Variants in SORBS2 observed in about 807,000 individuals in gnomAD.
The protein encoded by SORBS2 is sorbin and SH3 domain-containing protein 2.
In SORBS2, 46 loss-of-function variants were observed where a neutral mutation model predicts 97.7. The observed-to-expected ratio is 0.47, with a 90% CI of 0.37 to 0.60. The LOEUF (loss-of-function observed/expected upper bound fraction) is 0.60, where lower values mean the gene tolerates loss of function less well. Ranked by LOEUF, SORBS2 falls within the 20% of genes least tolerant of loss-of-function variation. The pLI, the probability that SORBS2 is intolerant of heterozygous loss-of-function variation, is 0.00. For missense variants in SORBS2, 1,316 were observed against 1,282.3 expected (o/e 1.03, Z -0.40); for synonymous variants, 476 against 473.4 (o/e 1.01, Z -0.07).
intron 1 of SORBS2, among the ~76,000 whole-genome samples, chr4:185,855,314 A>G (rs953574190): frequency 2.6e-5 from 4 of 152,242 alleles, no homozygotes; most frequent in Admixed American, 6.5e-5. Flanking sequence ...TGAGACGTAG[A>G]TAAAGCTTCT....
intron 1 of SORBS2, among the ~76,000 whole-genome samples, chr4:185,916,524 G>C (rs1418505199): frequency 6.6e-6 from 1 of 152,176 alleles, no homozygotes; most frequent in Non-Finnish European, 1.5e-5. Context: ...TGACTCAATA[G>C]CTGGATTCTT....
intron 6 of SORBS2, 62 bp from the exon 19 acceptor site, chr4:185,624,556 G>T: frequency 6.7e-7 from 1 of 1,503,170 alleles, no homozygotes; most frequent in Non-Finnish European, 8.8e-7. Flanking sequence ...GGTTCACAAA[G>T]AGAGGAGAGC....
At chr4:185,922,435 G>C (rs917922121) in intron 1 of SORBS2, among the ~76,000 whole-genome samples, 2 of 152,144 alleles carry the variant, frequency 1.3e-5, no homozygotes, top group African/African-American at 4.8e-5. Context: ...TTCATGGAAG[G>C]TTCCTTCCAG....
chr4:185,755,852 T>C (rs2098827760), intron 2 of SORBS2, among the ~76,000 whole-genome samples: 1 of 152,210 alleles, frequency 6.6e-6, no homozygotes, highest in Admixed American at 6.5e-5. Context: ...CTAATGTTTG[T>C]TCATCTCACT....
intron 2 of SORBS2, among the ~76,000 whole-genome samples, chr4:185,650,058 T>C (rs1383593001): frequency 1.3e-5 from 2 of 152,174 alleles, no homozygotes; most frequent in Non-Finnish European, 2.9e-5. Context: ...TCTAATACTT[T>C]AAAAACCCTG....
intron 2 of SORBS2, among the ~76,000 whole-genome samples, chr4:185,749,092 T>A (rs2098783090): frequency 6.6e-6 from 1 of 152,202 alleles, no homozygotes; most frequent in Non-Finnish European, 1.5e-5. Context: ...TTTAGGGAAC[T>A]CCACAGCCAC....
chr4:185,800,268 A>C (rs2099123882), intron 1 of SORBS2, among the ~76,000 whole-genome samples: 1 of 152,178 alleles, frequency 6.6e-6, no homozygotes, highest in South Asian at 2.1e-4. Context: ...CCCTCAATGA[A>C]AAAGACTGAA....
chr4:185,680,432 A>C (rs1453135105), intron 2 of SORBS2, among the ~76,000 whole-genome samples: 3 of 152,202 alleles, frequency 2.0e-5, no homozygotes, highest in African/African-American at 7.2e-5. Flanking sequence ...GCTTTAGGGC[A>C]CTCAGGAGAG....
intron 1 of SORBS2, among the ~76,000 whole-genome samples, chr4:185,936,184 A>G (rs1411670058): frequency 1.3e-5 from 2 of 152,222 alleles, no homozygotes; most frequent in African/African-American, 4.8e-5. Flanking sequence ...ATGAGGAGAC[A>G]CGTGCTATTC....
At chr4:185,874,255 T>C (rs746881531) in intron 1 of SORBS2, among the ~76,000 whole-genome samples, 6 of 152,254 alleles carry the variant, frequency 3.9e-5, no homozygotes, top group Non-Finnish European at 8.8e-5. Context: ...GGCTACCTTA[T>C]TTCAAGTATA....
chr4:185,782,617 C>T (rs868241971), intron 1 of SORBS2, among the ~76,000 whole-genome samples: 1 of 152,228 alleles, frequency 6.6e-6, no homozygotes, highest in Non-Finnish European at 1.5e-5. Flanking sequence ...ATCAACCATG[C>T]CACCTGGTCA....
chr4:185,661,065 A>C (rs2097509417), upstream of SORBS2, among the ~76,000 whole-genome samples: 1 of 152,106 alleles, frequency 6.6e-6, no homozygotes, highest in Admixed American at 6.6e-5. Flanking sequence ...ACCTGAGGTC[A>C]GGAGTTCGAG....
intron 1 of SORBS2, among the ~76,000 whole-genome samples, chr4:185,795,971 C>G (rs892271345): frequency 6.6e-6 from 1 of 152,222 alleles, no homozygotes; most frequent in Non-Finnish European, 1.5e-5. Flanking sequence ...TCTCTCCACG[C>G]CAGCACTTTT....
chr4:185,900,874 A>G (rs1217303749), intron 1 of SORBS2, among the ~76,000 whole-genome samples: 1 of 152,208 alleles, frequency 6.6e-6, no homozygotes, highest in Non-Finnish European at 1.5e-5. Context: ...CTTTTAATCT[A>G]CAGCCCAAGG....
rs200964103 is a variant in SORBS2, at chr4:185,927,267, CT to C, written c.-338+28928del. ...ATAAAAAAATTTTGAGCACTCAGTC[CT>C]TTTTTTTATTTTTTATTTTACTTTA... On this transcript the variant is annotated intron_variant, in intron 1 of 20. Coordinates refer to the SORBS2 transcript ENST00000284776. Among the ~76,000 whole-genome samples the C allele has an allele frequency of 7.4e-3, 1,113 of 150,670 alleles. 13 individuals carry two copies. The highest frequency in any genetic ancestry group is 0.026 in the African/African-American group (1,056 of 41,102).
At chr4:185,712,323 C>G (rs2098426971) in intron 2 of SORBS2, among the ~76,000 whole-genome samples, 1 of 152,178 alleles carries the variant, frequency 6.6e-6, no homozygotes, top group Non-Finnish European at 1.5e-5. Context: ...CCAGAGACAG[C>G]TGGATTCAAG....
intron 1 of SORBS2, among the ~76,000 whole-genome samples, chr4:185,856,650 C>A (rs2099220684): frequency 6.6e-6 from 1 of 152,066 alleles, no homozygotes; most frequent in Non-Finnish European, 1.5e-5. Context: ...GGAAATTTAA[C>A]CCCCAAATTC....
chr4:185,691,599 CT>C (rs1561941317), intron 2 of SORBS2, among the ~76,000 whole-genome samples: 1 of 152,032 alleles, frequency 6.6e-6, no homozygotes, highest in Non-Finnish European at 1.5e-5. Flanking sequence ...TCATCTTTCT[CT>C]TTTTTAAAGA....
intron 12 of SORBS2, among the ~76,000 whole-genome samples, chr4:185,610,528 C>G (rs746888566): frequency 6.6e-6 from 1 of 152,078 alleles, no homozygotes; most frequent in Non-Finnish European, 1.5e-5. Flanking sequence ...GAAACTCAGT[C>G]TTCAAAGAGG....
Sources: allele counts gnomAD v4.1 joint callset (sites outside exome capture counted in the v4.1 genomes callset), GRCh38; gene constraint gnomAD v4.1.1; transcripts MANE v1.5; gene names NCBI Gene and HGNC (gene_info 2026-07-23, HGNC 2026-07-21).